The following QTMAN variants were observed in gnomAD, a reference collection of about 807,000 sequenced individuals.
QTMAN encodes tRNA-queuosine alpha-mannosyltransferase.
the QTMAN span, among the ~76,000 whole-genome samples, chr2:144,078,583 A>G: frequency 6.6e-6 from 1 of 152,218 alleles, no homozygotes; most frequent in South Asian, 2.1e-4. Flanking sequence ...TTTATCTGCA[A>G]GTCAAAGGGT....
chr2:144,325,278 C>T, the QTMAN span, among the ~76,000 whole-genome samples: 1 of 152,174 alleles, frequency 6.6e-6, no homozygotes, highest in African/African-American at 2.4e-5. Flanking sequence ...GTCACACACA[C>T]TTTTGACAGG....
At chr2:144,233,367 G>C in the QTMAN span, among the ~76,000 whole-genome samples, 6 of 152,144 alleles carry the variant, frequency 3.9e-5, no homozygotes, top group Non-Finnish European at 8.8e-5. Context: ...TACTAAATGT[G>C]GAAGTTGTAA....
chr2:144,321,571 T>G, the QTMAN span, among the ~76,000 whole-genome samples: 402 of 152,274 alleles, frequency 2.6e-3, no homozygotes, highest in African/African-American at 9.2e-3. Context: ...CAGGACGGAT[T>G]AGCGTATGGA....
chr2:144,011,245 C>T, the QTMAN span, among the ~76,000 whole-genome samples: 2 of 152,038 alleles, frequency 1.3e-5, no homozygotes, highest in African/African-American at 2.4e-5. Flanking sequence ...GAAGCTGAAA[C>T]ACTTTTGTAC....
the QTMAN span, among the ~76,000 whole-genome samples, chr2:144,076,250 A>AC: frequency 6.6e-6 from 1 of 152,192 alleles, no homozygotes; most frequent in Non-Finnish European, 1.5e-5. Flanking sequence ...CCACCTCAAA[A>AC]GAAAAAAGAA....
the QTMAN span, among the ~76,000 whole-genome samples, chr2:144,053,369 G>T: frequency 6.6e-6 from 1 of 152,110 alleles, no homozygotes; most frequent in Non-Finnish European, 1.5e-5. Flanking sequence ...ATCTGCAAAG[G>T]GGTAGAGGAC....
the QTMAN span, among the ~76,000 whole-genome samples, chr2:143,951,733 G>C: frequency 4.6e-5 from 7 of 151,352 alleles, no homozygotes; most frequent in East Asian, 7.7e-4. Flanking sequence ...AAATGTAAAG[G>C]ACAGTCATCT....
the QTMAN span, among the ~76,000 whole-genome samples, chr2:144,315,694 A>G: frequency 6.6e-6 from 1 of 151,892 alleles, no homozygotes; most frequent in African/African-American, 2.4e-5. Flanking sequence ...CCTACTTCTC[A>G]CCTCTGTCCA....
the QTMAN span, among the ~76,000 whole-genome samples, chr2:144,103,117 C>G: frequency 6.6e-6 from 1 of 152,204 alleles, no homozygotes; most frequent in Non-Finnish European, 1.5e-5. Flanking sequence ...ATAATAACAA[C>G]TAGCATTTAC....
chr2:143,963,900 G>A, the QTMAN span: 3 of 151,854 alleles, frequency 2.0e-5, no homozygotes, highest in African/African-American at 4.8e-5. Context: ...TCATATTCTC[G>A]GGAAAGTAAC....
the QTMAN span, among the ~76,000 whole-genome samples, chr2:144,019,771 T>A: frequency 6.6e-6 from 1 of 152,146 alleles, no homozygotes. Context: ...GTACACCCAT[T>A]CATTGGTGAT....
At chr2:144,027,207 A>G in the QTMAN span, among the ~76,000 whole-genome samples, 22 of 152,344 alleles carry the variant, frequency 1.4e-4, no homozygotes, top group African/African-American at 5.3e-4. Flanking sequence ...TCCACTGATC[A>G]GTATATATAC....
the QTMAN span, chr2:144,237,291 T>C: frequency 6.6e-6 from 1 of 150,744 alleles, no homozygotes; most frequent in Non-Finnish European, 1.5e-5. Flanking sequence ...TATGTCAGGG[T>C]CTTAAAGAGT....
At chr2:144,010,926 G>A in the QTMAN span, among the ~76,000 whole-genome samples, 4 of 152,216 alleles carry the variant, frequency 2.6e-5, no homozygotes, top group African/African-American at 4.8e-5. Context: ...CCCTGACGGT[G>A]TAATTTATTA....
chr2:144,031,366 G>A, the QTMAN span, among the ~76,000 whole-genome samples: 3 of 152,124 alleles, frequency 2.0e-5, no homozygotes, highest in Non-Finnish European at 4.4e-5. Flanking sequence ...GATATAAAGA[G>A]CAAACAGGTG....
chr2:144,052,059 TGA>T, the QTMAN span, among the ~76,000 whole-genome samples: 117 of 152,338 alleles, frequency 7.7e-4, no homozygotes, highest in African/African-American at 2.6e-3. Flanking sequence ...ATGGGGCGAC[TGA>T]GTTGTCTTGT....
At chr2:144,234,966 G>A in the QTMAN span, among the ~76,000 whole-genome samples, 1 of 152,138 alleles carries the variant, frequency 6.6e-6, no homozygotes, top group Non-Finnish European at 1.5e-5. Flanking sequence ...GTGTTAAAGG[G>A]CTCAGGTACA....
the QTMAN span, among the ~76,000 whole-genome samples, chr2:144,064,197 C>T: frequency 6.6e-6 from 1 of 152,082 alleles, no homozygotes; most frequent in Admixed American, 6.5e-5. Flanking sequence ...AAAACAGACA[C>T]ATTTTATAGA....
the QTMAN span, among the ~76,000 whole-genome samples, chr2:144,131,633 T>C: frequency 1.3e-5 from 2 of 151,868 alleles, no homozygotes; most frequent in Non-Finnish European, 2.9e-5. Context: ...ATAATTAATC[T>C]TCTCTAGATC....
Sources: gnomAD v4.1 joint callset for allele counts (sites outside exome capture counted in the v4.1 genomes callset) on GRCh38, gnomAD v4.1.1 for gene constraint, MANE v1.5 for transcripts, NCBI Gene and HGNC (gene_info 2026-07-23, HGNC 2026-07-21) for gene names.